ASTN2: variants seen among roughly 807,000 people sequenced by gnomAD.
ASTN2 encodes astrotactin 2, also known as astrotactin-2.
ASTN2 carries 54 observed loss-of-function variants against 139.8 expected under a neutral mutation model. The observed-to-expected ratio is 0.39, with a 90% CI of 0.31 to 0.48. The LOEUF is 0.48. Among genes scored for constraint, ASTN2 ranks in the 20% least tolerant of loss-of-function variants. The pLI is 0.95. For missense variants in ASTN2, 1,565 were observed against 1,725.1 expected (o/e 0.91, Z 1.64); for synonymous variants, 756 against 719.5 (o/e 1.05, Z -0.81).
intron 13 of ASTN2, 83 bp downstream of exon 13, chr9:116,805,549 C>T (rs1312617298): frequency 5.4e-6 from 7 of 1,295,840 alleles, no homozygotes; most frequent in Non-Finnish European, 7.7e-6. Flanking sequence ...GGTCTCTACC[C>T]CATTGTGCCC....
At chr9:117,170,063 T>A (rs533212690) in intron 3 of ASTN2, among the ~76,000 whole-genome samples, 1 of 152,256 alleles carries the variant, frequency 6.6e-6, no homozygotes, top group Non-Finnish European at 1.5e-5. Flanking sequence ...TTATACCTCT[T>A]GGGGAAGGTC....
At chr9:116,935,604 T>C (rs186514776) in intron 10 of ASTN2, among the ~76,000 whole-genome samples, 33 of 152,200 alleles carry the variant, frequency 2.2e-4, no homozygotes, top group African/African-American at 7.9e-4. Flanking sequence ...AGTCACACAG[T>C]CTAAAGCACT....
chr9:116,581,399 G>C (rs185612096), intron 19 of ASTN2, among the ~76,000 whole-genome samples: 1 of 151,964 alleles, frequency 6.6e-6, no homozygotes, highest in East Asian at 1.9e-4. Flanking sequence ...TGGTTACCTG[G>C]TGCCCCAGTT....
chr9:116,743,017 C>CA (rs1462196312), intron 13 of ASTN2, among the ~76,000 whole-genome samples: 1 of 152,038 alleles, frequency 6.6e-6, no homozygotes. Flanking sequence ...CAAGCTCAAA[C>CA]AAAAAATCAC....
intron 19 of ASTN2, among the ~76,000 whole-genome samples, chr9:116,579,426 A>G (rs1252033110): frequency 6.6e-6 from 1 of 152,182 alleles, no homozygotes; most frequent in Admixed American, 6.5e-5. Flanking sequence ...AACGGATACA[A>G]CCATTATCAG....
At position 116,699,844 on chromosome 9, in the gene ASTN2, T is replaced by C. The variant is rs533209692; in HGVS notation, c.2806+25927A>G. 1.1e-4 allele frequency: 127 copies of C among 1,137,796 alleles called. No individual in the cohort carries two copies. In the African/African-American group the frequency reaches 1.8e-3, roughly 16 times the overall value. 70.5% of individuals were successfully genotyped at this position (1,137,796 alleles called of 1,614,324 possible). On this transcript the variant is annotated intron_variant, in intron 16 of 22. Transcript: ENST00000313400. The surrounding 1 kb of genome is among the most constrained non-coding windows in gnomAD (Gnocchi z 4.2). The stretch of plus-strand genomic sequence containing the variant: ...TAGTTCTAGAACTTCAGAAGCTCCA[T>C]CTTTTAATGTTTTTATTTGTTATGT...
intron 10 of ASTN2, among the ~76,000 whole-genome samples, chr9:116,933,095 A>G (rs544953066): frequency 6.6e-6 from 1 of 151,390 alleles, no homozygotes; most frequent in African/African-American, 2.4e-5. Flanking sequence ...TCTCCATCTC[A>G]TGTAGAAGCA....
chr9:117,247,255 C>T (rs1292231377), intron 2 of ASTN2, among the ~76,000 whole-genome samples: 1 of 152,154 alleles, frequency 6.6e-6, no homozygotes, highest in Admixed American at 6.5e-5. Context: ...ACAAAAGAAG[C>T]CAGGATTAGC....
chr9:116,972,397 T>C (rs1359796405), intron 10 of ASTN2, among the ~76,000 whole-genome samples: 1 of 152,172 alleles, frequency 6.6e-6, no homozygotes, highest in Non-Finnish European at 1.5e-5. Flanking sequence ...TGATGGGTAT[T>C]TGTATTTTTT....
chr9:117,207,894 A>G lies in ASTN2; in HGVS notation c.1015+6464T>C, dbSNP rs181260501. 3.9e-5 allele frequency among the ~76,000 whole-genome samples: 6 copies of G among 152,348 alleles called. No individual in the cohort carries two copies. The East Asian group carries it at 1.2e-3, about 29-fold the overall frequency. On this transcript the variant is annotated intron_variant, in intron 3 of 22. Transcript: ENST00000313400. Reference sequence around the variant, plus strand: ...CACTGAGTATCTTACAAATGTCACTAATGTAAAATTGTAGCCAATTTAACT... The same window carrying G: ...CACTGAGTATCTTACAAATGTCACTGATGTAAAATTGTAGCCAATTTAACT...
chr9:117,188,956 A>G (rs934042686), intron 3 of ASTN2, among the ~76,000 whole-genome samples: 2 of 152,090 alleles, frequency 1.3e-5, no homozygotes, highest in African/African-American at 4.8e-5. Context: ...CTTTCCCCAG[A>G]GCGTGGAGTC....
intron 12 of ASTN2, among the ~76,000 whole-genome samples, chr9:116,806,799 A>C (rs969715027): frequency 6.6e-6 from 1 of 152,198 alleles, no homozygotes; most frequent in Non-Finnish European, 1.5e-5. Context: ...CACAAAAAAA[A>C]CAGGAATTGC....
At chr9:117,234,734 G>A (rs554102550) in intron 2 of ASTN2, among the ~76,000 whole-genome samples, 58 of 152,308 alleles carry the variant, frequency 3.8e-4, no homozygotes, top group Admixed American at 3.2e-3. Flanking sequence ...ACAAGGGAAT[G>A]TCAAGGCTGA....
At chr9:116,802,409 G>C (rs1218101275) in intron 13 of ASTN2, among the ~76,000 whole-genome samples, 1 of 152,064 alleles carries the variant, frequency 6.6e-6, no homozygotes, top group African/African-American at 2.4e-5. Context: ...TCTCACTGAC[G>C]AGTCTGTTGG....
At chr9:116,983,696 T>C (rs1248630132) in intron 7 of ASTN2, among the ~76,000 whole-genome samples, 1 of 152,258 alleles carries the variant, frequency 6.6e-6, no homozygotes, top group Non-Finnish European at 1.5e-5. Flanking sequence ...GGCATATGAC[T>C]TGCTTTGATC....
chr9:117,376,131 T>C (rs1183091978), intron 1 of ASTN2, among the ~76,000 whole-genome samples: 3 of 152,096 alleles, frequency 2.0e-5, no homozygotes, highest in African/African-American at 7.2e-5. Flanking sequence ...GGTTAGTAAA[T>C]TAGGATATGG....
chr9:117,161,928 A>G (rs532715315), intron 3 of ASTN2, among the ~76,000 whole-genome samples: 18 of 152,170 alleles, frequency 1.2e-4, no homozygotes, highest in African/African-American at 3.6e-4. Context: ...GTTGATTTCT[A>G]TAATAGCCAT....
At position 116,805,804 on chromosome 9, in the gene ASTN2, T is replaced by G. The variant is rs762824520; in HGVS notation, c.2224A>C (p.Lys742Gln). ...FMFCGCVEEY[K>Q]LAPDGKSCLM... ...CAGGATTTTCCATCAGGAGCCAGTTTGTACTCCTCCACGCAACTGTATGAT... is the reference window on the plus strand; with the variant it reads ...CAGGATTTTCCATCAGGAGCCAGTTGGTACTCCTCCACGCAACTGTATGAT... The change falls in exon 13 of 23, where the codon AAA (lysine) becomes CAA (glutamine). Residue 742 changes from lysine (K) to glutamine (Q), a missense_variant. Lys to Gln is a moderately conservative substitution (Grantham distance 53). Transcript: ENST00000313400. 2.5e-6 allele frequency: 4 copies of G among 1,613,860 alleles called. No homozygotes were observed. Among genetic ancestry groups the G allele is most frequent in the Admixed American group, 3.3e-5 (2 of 60,016 alleles).
At chr9:117,182,576 C>A (rs879411500) in intron 3 of ASTN2, among the ~76,000 whole-genome samples, 4 of 152,188 alleles carry the variant, frequency 2.6e-5, no homozygotes, top group African/African-American at 7.2e-5. Flanking sequence ...AAGGCCTGCC[C>A]CACCACCTCC....
Sources: allele counts gnomAD v4.1 joint callset (sites outside exome capture counted in the v4.1 genomes callset), GRCh38; gene constraint gnomAD v4.1.1; non-coding constraint Gnocchi (gnomAD v3.1); transcripts MANE v1.5; gene names NCBI Gene and HGNC (gene_info 2026-07-23, HGNC 2026-07-21).